GPM6A: variants seen among roughly 807,000 people sequenced by gnomAD.
GPM6A encodes neuronal membrane glycoprotein M6-a.
GPM6A carries 7 observed loss-of-function variants against 32.1 expected under a neutral mutation model. That is an observed-to-expected ratio of 0.22 (90% CI 0.12 to 0.41). The LOEUF (loss-of-function observed/expected upper bound fraction) is 0.41, where lower values mean the gene tolerates loss of function less well. Among genes scored for constraint, GPM6A ranks in the 10% least tolerant of loss-of-function variants. GPM6A has a pLI of 1.00. For missense variants in GPM6A, 235 were observed against 347.2 expected (o/e 0.68, Z 2.57); for synonymous variants, 130 against 123.4 (o/e 1.05, Z -0.35).
At chr4:175,753,581 C>A (rs981865638) in intron 1 of GPM6A, among the ~76,000 whole-genome samples, 2 of 152,100 alleles carry the variant, frequency 1.3e-5, no homozygotes, top group Admixed American at 1.3e-4. Flanking sequence ...CCAGTTATCA[C>A]CCTCCCTTCA....
intron 1 of GPM6A, among the ~76,000 whole-genome samples, chr4:175,932,307 C>A (rs1039850681): frequency 6.6e-6 from 1 of 152,076 alleles, no homozygotes; most frequent in African/African-American, 2.4e-5. Flanking sequence ...AACAAGACTG[C>A]ACACAATGCT....
intron 1 of GPM6A, among the ~76,000 whole-genome samples, chr4:175,722,530 G>C (rs1746192743): frequency 6.6e-6 from 1 of 152,098 alleles, no homozygotes; most frequent in African/African-American, 2.4e-5. Flanking sequence ...CCCTTTTGCA[G>C]CTTTCTTCCT....
At chr4:175,689,892 C>A (rs1227445190) in intron 2 of GPM6A, among the ~76,000 whole-genome samples, 1 of 152,154 alleles carries the variant, frequency 6.6e-6, no homozygotes, top group African/African-American at 2.4e-5. Context: ...CTCAACCAAC[C>A]CTCCAAAAAG....
intron 1 of GPM6A, among the ~76,000 whole-genome samples, chr4:175,980,885 A>T (rs1017074481): frequency 6.6e-6 from 1 of 152,228 alleles, no homozygotes; most frequent in Non-Finnish European, 1.5e-5. Flanking sequence ...AATTTTTAAT[A>T]TAAAATAAGT....
intron 1 of GPM6A, among the ~76,000 whole-genome samples, chr4:175,882,952 G>A (rs1737329171): frequency 6.6e-6 from 1 of 151,950 alleles, no homozygotes; most frequent in Non-Finnish European, 1.5e-5. Context: ...CTAAGTAGCA[G>A]GAATAATTGA....
At chr4:175,776,457 C>G (rs1038072051) in intron 1 of GPM6A, among the ~76,000 whole-genome samples, 1 of 152,122 alleles carries the variant, frequency 6.6e-6, no homozygotes, top group African/African-American at 2.4e-5. Context: ...TGTGCTGATT[C>G]ATGATGTCAA....
intron 1 of GPM6A, among the ~76,000 whole-genome samples, chr4:175,738,167 C>A (rs567208391): frequency 6.6e-6 from 1 of 152,110 alleles, no homozygotes; most frequent in African/African-American, 2.4e-5. Context: ...CGAACTCCTG[C>A]CCTCAGGTGA....
chr4:175,948,919 AC>A (rs1211366522), intron 1 of GPM6A, among the ~76,000 whole-genome samples: 1 of 151,594 alleles, frequency 6.6e-6, no homozygotes, highest in East Asian at 1.9e-4. Context: ...AAGATGAGAT[AC>A]TTTTCTTATT....
At chr4:175,733,810 G>T (rs73871209) in intron 1 of GPM6A, among the ~76,000 whole-genome samples, 1 of 152,072 alleles carries the variant, frequency 6.6e-6, no homozygotes, top group Non-Finnish European at 1.5e-5. Flanking sequence ...CAGCATAGGC[G>T]CTTAGCCATG....
At chr4:175,989,277 A>C (rs1211256236) in intron 1 of GPM6A, among the ~76,000 whole-genome samples, 1 of 152,174 alleles carries the variant, frequency 6.6e-6, no homozygotes, top group East Asian at 1.9e-4. Context: ...AAAAGATAAG[A>C]GAGAACTGAA....
intron 6 of GPM6A, among the ~76,000 whole-genome samples, chr4:175,636,709 T>C (rs1037867877): frequency 6.6e-6 from 1 of 150,758 alleles, no homozygotes. Flanking sequence ...GGCAGGAGAA[T>C]GGATTGAACC....
intron 1 of GPM6A, among the ~76,000 whole-genome samples, chr4:175,736,146 C>G (rs1276894082): frequency 6.6e-6 from 1 of 152,110 alleles, no homozygotes; most frequent in Non-Finnish European, 1.5e-5. Context: ...CAACCTCAGC[C>G]TTCCAATTAG....
chr4:175,668,472 G>A lies in GPM6A; in HGVS notation c.387+5208C>T, dbSNP rs528281373. 6.7e-5 allele frequency among the ~76,000 whole-genome samples: 9 copies of A among 133,364 alleles called. No individual in the cohort carries two copies. In the South Asian group the frequency reaches 1.3e-3, roughly 19 times the overall value. 87.5% of individuals were successfully genotyped at this position (133,364 alleles called of 152,430 possible). A position where few individuals can be genotyped will look rare whatever the true frequency, so the allele number is the denominator to read the frequency against. On this transcript the variant is annotated intron_variant, in intron 3 of 6. Coordinates refer to ENST00000393658, the MANE Select transcript of GPM6A (RefSeq NM_201591.3). ...TCTTAAGTTTCTAGAAAGAGGCAAG[G>A]CTTTGTTCTAGGAATTCTATTCCCA...
intron 3 of GPM6A, among the ~76,000 whole-genome samples, chr4:175,667,995 T>G (rs1283741989): frequency 6.6e-6 from 1 of 152,172 alleles, no homozygotes; most frequent in Non-Finnish European, 1.5e-5. Context: ...TTTTATCAAT[T>G]TTCCATTTCT....
At chr4:175,917,179 G>A (rs1442982328) in intron 1 of GPM6A, among the ~76,000 whole-genome samples, 5 of 152,234 alleles carry the variant, frequency 3.3e-5, no homozygotes, top group African/African-American at 1.2e-4. Context: ...GGGGTAGCAA[G>A]AAGGCATCAC....
At chr4:175,638,954 T>G (rs1740972605) in intron 6 of GPM6A, among the ~76,000 whole-genome samples, 1 of 152,172 alleles carries the variant, frequency 6.6e-6, no homozygotes, top group Admixed American at 6.6e-5. Context: ...ATATAAGGCC[T>G]TTGCTTTTGT....
At chr4:175,759,373 A>G (rs1732653175) in intron 1 of GPM6A, among the ~76,000 whole-genome samples, 1 of 152,190 alleles carries the variant, frequency 6.6e-6, no homozygotes, top group Non-Finnish European at 1.5e-5. Flanking sequence ...TAAAAATCAA[A>G]TATCAAGACA....
chr4:175,698,148 C>G (rs566808545), intron 2 of GPM6A, among the ~76,000 whole-genome samples: 5 of 152,198 alleles, frequency 3.3e-5, no homozygotes, highest in African/African-American at 1.2e-4. Context: ...GGTAACTCCT[C>G]AAATCCTGAG....
intron 1 of GPM6A, among the ~76,000 whole-genome samples, chr4:175,957,716 TA>T (rs1190575816): frequency 1.3e-5 from 2 of 152,154 alleles, no homozygotes; most frequent in African/African-American, 4.8e-5. Context: ...GTATATATAT[TA>T]AAAAAATCAA....
Sources: gnomAD v4.1 joint callset for allele counts (sites outside exome capture counted in the v4.1 genomes callset) on GRCh38, gnomAD v4.1.1 for gene constraint, MANE v1.5 for transcripts, NCBI Gene and HGNC (gene_info 2026-07-23, HGNC 2026-07-21) for gene names.